Variants in SDK1 observed in about 807,000 individuals in gnomAD.
SDK1 encodes sidekick cell adhesion molecule 1, also known as protein sidekick-1.
SDK1 carries 157 observed loss-of-function variants against 245.5 expected under a neutral mutation model. The observed-to-expected ratio is 0.64, with a 90% CI of 0.56 to 0.73. SDK1 has a LOEUF of 0.73. SDK1 is among the 30% of genes least tolerant of loss of function. The probability of loss-of-function intolerance (pLI) is 0.00; values close to 1 mark genes in which losing one functional copy is unlikely to be tolerated. For missense variants in SDK1, 3,583 were observed against 3,002.3 expected, an observed-to-expected ratio of 1.19 and a Z score of -4.52; for synonymous variants, 1,647 against 1,278.5, an observed-to-expected ratio of 1.29 and a Z score of -6.15.
intron 1 of SDK1, among the ~76,000 whole-genome samples, chr7:3,597,640 C>T (rs899450673): frequency 6.6e-6 from 1 of 152,114 alleles, no homozygotes; most frequent in Non-Finnish European, 1.5e-5. Flanking sequence ...TTGATTAGGT[C>T]GCATTTAGCT....
intron 10 of SDK1, 118 bp from the exon 11 acceptor site, chr7:3,969,139 G>A (rs935524798): frequency 3.8e-5 from 34 of 905,146 alleles, no homozygotes; most frequent in African/African-American, 3.3e-4. Flanking sequence ...AATTCGAGAC[G>A]AGACTTGGGT....
intron 4 of SDK1, among the ~76,000 whole-genome samples, chr7:3,787,377 A>G (rs1780936547): frequency 6.6e-6 from 1 of 152,232 alleles, no homozygotes; most frequent in Admixed American, 6.5e-5. Context: ...AGAAAAGCAA[A>G]GGTGACAGAG....
chr7:4,091,042 C>G (rs1188288294), intron 22 of SDK1, among the ~76,000 whole-genome samples: 1 of 152,156 alleles, frequency 6.6e-6, no homozygotes, highest in Non-Finnish European at 1.5e-5. Flanking sequence ...TGGATGCCTT[C>G]TTTGCCCAGA....
chr7:3,817,847 A>G (rs192048033), intron 4 of SDK1, among the ~76,000 whole-genome samples: 1 of 152,324 alleles, frequency 6.6e-6, no homozygotes, highest in African/African-American at 2.4e-5. Context: ...CAAGTGAAGA[A>G]TGGCCAGAAG....
intron 1 of SDK1, among the ~76,000 whole-genome samples, chr7:3,310,507 G>A (rs886502905): frequency 2.0e-5 from 3 of 152,170 alleles, no homozygotes; most frequent in South Asian, 2.1e-4. Context: ...GTCATGGGTT[G>A]GGTATGGAAG....
intron 26 of SDK1, 62 bp from the exon 27 acceptor site, chr7:4,129,846 G>T (rs1365739455): frequency 3.1e-6 from 5 of 1,600,770 alleles, no homozygotes; most frequent in Non-Finnish European, 4.3e-6. Context: ...CCTGCCCCAT[G>T]CCACGGCGGT....
At position 3,853,094 on chromosome 7, in the gene SDK1, G is replaced by A. The variant is rs76599997; in HGVS notation, c.847+31511G>A. Among the ~76,000 whole-genome samples, 1,080 of 151,908 alleles carry A rather than the reference G, an allele frequency of 7.1e-3. 6 individuals are homozygous for A. The highest frequency in any genetic ancestry group is 0.012 in the Non-Finnish European group (795 of 67,968). On this transcript the variant is annotated intron_variant, in intron 5 of 44. Transcript: ENST00000404826. ...CACGTGGGAAAAGTTAGTTCTCCAC[G>A]TACGCAGGCTTCACATCCTGTGAAT...
intron 1 of SDK1, among the ~76,000 whole-genome samples, chr7:3,605,521 C>T (rs1231338865): frequency 2.6e-5 from 4 of 152,112 alleles, no homozygotes; most frequent in Non-Finnish European, 5.9e-5. Context: ...TAAAGAACAG[C>T]TTGATGGTTT....
intron 1 of SDK1, among the ~76,000 whole-genome samples, chr7:3,384,790 G>T (rs75747708): frequency 6.6e-6 from 1 of 152,180 alleles, no homozygotes; most frequent in Admixed American, 6.5e-5. Flanking sequence ...CATTTGAAGC[G>T]TATATGCACA....
intron 1 of SDK1, among the ~76,000 whole-genome samples, chr7:3,590,115 T>C (rs1023192792): frequency 2.6e-5 from 4 of 152,168 alleles, no homozygotes; most frequent in African/African-American, 9.7e-5. Flanking sequence ...ACTTATAAAA[T>C]GGAAAACTAA....
chr7:3,543,345 G>C (rs539034791), intron 1 of SDK1, among the ~76,000 whole-genome samples: 16 of 152,252 alleles, frequency 1.1e-4, no homozygotes, highest in Non-Finnish European at 2.2e-4. Flanking sequence ...ATCACTATCT[G>C]TTGCAAGTGT....
chr7:3,435,612 G>A (rs954782840), intron 1 of SDK1, among the ~76,000 whole-genome samples: 2 of 151,888 alleles, frequency 1.3e-5, no homozygotes, highest in African/African-American at 4.8e-5. Flanking sequence ...CAATCCGCCC[G>A]CTTCGGCCTC....
At chr7:3,816,952 A>G (rs979920536) in intron 4 of SDK1, among the ~76,000 whole-genome samples, 3 of 152,150 alleles carry the variant, frequency 2.0e-5, no homozygotes, top group Admixed American at 6.5e-5. Context: ...AAACTAGTCA[A>G]ATGTTACTTT....
At chr7:3,512,543 T>A (rs2128611948) in intron 1 of SDK1, among the ~76,000 whole-genome samples, 1 of 152,336 alleles carries the variant, frequency 6.6e-6, no homozygotes, top group East Asian at 1.9e-4. Flanking sequence ...CAGGCTGTCC[T>A]CAGAAGTGAC....
chr7:3,741,987 CATATATATAT>C lies in SDK1; in HGVS notation c.714-79446_714-79437del, dbSNP rs142076799. ...ATTTGTGTTCCCATATTGTAGTGTG[CATATATATAT>C]ATATATATATATATATGCTGTATTT... On this transcript the variant is annotated intron_variant, in intron 4 of 44. Transcript: ENST00000404826. Among the ~76,000 whole-genome samples the C allele has an allele frequency of 9.8e-5, 13 of 132,124 alleles. 1 individual carries two copies. The highest frequency in any genetic ancestry group is 2.9e-4 in the African/African-American group (10 of 34,724). The allele number at this position is 132,124 out of a possible 152,430, so 86.7% of individuals were successfully genotyped here. A position where few individuals can be genotyped will look rare whatever the true frequency, so the allele number is the denominator to read the frequency against.
intron 5 of SDK1, among the ~76,000 whole-genome samples, chr7:3,839,945 A>C (rs980338694): frequency 1.3e-5 from 2 of 152,214 alleles, no homozygotes; most frequent in Non-Finnish European, 2.9e-5. Context: ...TAAAACTCTG[A>C]ATTGAAGGAG....
intron 1 of SDK1, among the ~76,000 whole-genome samples, chr7:3,332,341 G>C (rs528603398): frequency 2.6e-5 from 4 of 152,052 alleles, no homozygotes; most frequent in African/African-American, 9.7e-5. Context: ...TAATGTCAGT[G>C]CCGTCAGTTG....
intron 1 of SDK1, among the ~76,000 whole-genome samples, chr7:3,307,829 G>A (rs901402937): frequency 1.3e-5 from 2 of 151,536 alleles, no homozygotes; most frequent in African/African-American, 4.9e-5. Flanking sequence ...CCTATAAAAG[G>A]AGGGATTAGA....
At chr7:3,469,286 T>C (rs1248755653) in intron 1 of SDK1, among the ~76,000 whole-genome samples, 2 of 152,026 alleles carry the variant, frequency 1.3e-5, no homozygotes, top group Non-Finnish European at 2.9e-5. Context: ...GAAACATTAG[T>C]CAGGGGTGGT....
Sources: gnomAD v4.1 joint callset for allele counts (sites outside exome capture counted in the v4.1 genomes callset) on GRCh38, gnomAD v4.1.1 for gene constraint, MANE v1.5 for transcripts, NCBI Gene and HGNC (gene_info 2026-07-23, HGNC 2026-07-21) for gene names.